Variants in ROBO1 observed in about 807,000 individuals in gnomAD.
ROBO1 encodes roundabout homolog 1.
A neutral mutation model predicts 195.9 loss-of-function variants in ROBO1; 149 were observed. The ratio of observed to expected loss-of-function variants is 0.76; its 90% confidence interval spans 0.67 to 0.87. The LOEUF (loss-of-function observed/expected upper bound fraction) is 0.87. Ranked by LOEUF, ROBO1 falls within the 40% of genes least tolerant of loss-of-function variation. The pLI, the probability that ROBO1 is intolerant of heterozygous loss-of-function variation, is 0.00. For synonymous variants in ROBO1, 816 were observed against 733.2 expected (o/e 1.11, Z -1.82); for missense variants, 1,933 against 2,068.3 (o/e 0.93, Z 1.27).
intron 3 of ROBO1, among the ~76,000 whole-genome samples, chr3:79,087,257 C>G (rs1377669963): frequency 6.6e-6 from 1 of 151,970 alleles, no homozygotes; most frequent in Non-Finnish European, 1.5e-5. Flanking sequence ...TAAGCATAAG[C>G]CTTTCATTTT....
intron 2 of ROBO1, among the ~76,000 whole-genome samples, chr3:79,501,145 C>G (rs1940049084): frequency 6.6e-6 from 1 of 152,138 alleles, no homozygotes; most frequent in South Asian, 2.1e-4. Context: ...GGAAAACTAT[C>G]ACACTCATTT....
At chr3:78,639,295 T>TA (rs891785602) in intron 22 of ROBO1, among the ~76,000 whole-genome samples, 12 of 151,208 alleles carry the variant, frequency 7.9e-5, no homozygotes, top group Non-Finnish European at 1.5e-4. Flanking sequence ...CATCTCTACT[T>TA]AAAAAAAATA....
intron 4 of ROBO1, among the ~76,000 whole-genome samples, chr3:78,749,787 T>C (rs1220320823): frequency 1.3e-5 from 2 of 152,186 alleles, no homozygotes; most frequent in East Asian, 3.9e-4. Flanking sequence ...CAGATAAATC[T>C]TTTGAAAAGC....
chr3:78,902,393 T>C (rs2037641587), intron 4 of ROBO1, among the ~76,000 whole-genome samples: 1 of 152,108 alleles, frequency 6.6e-6, no homozygotes, highest in South Asian at 2.1e-4. Context: ...GGTGACAGCT[T>C]TTTTTAATTC....
intron 2 of ROBO1, among the ~76,000 whole-genome samples, chr3:79,346,990 G>T (rs1474459691): frequency 6.6e-6 from 1 of 151,736 alleles, no homozygotes; most frequent in Non-Finnish European, 1.5e-5. Flanking sequence ...TAACCTTTTT[G>T]GAGTTCATAA....
chr3:79,757,036 G>T (rs1704444812), intron 1 of ROBO1, among the ~76,000 whole-genome samples: 1 of 152,008 alleles, frequency 6.6e-6, no homozygotes, highest in Non-Finnish European at 1.5e-5. Context: ...GTACATAATA[G>T]ATCATTGTTT....
At chr3:78,851,939 G>A (rs1041349117) in intron 4 of ROBO1, among the ~76,000 whole-genome samples, 1 of 151,518 alleles carries the variant, frequency 6.6e-6, no homozygotes, top group South Asian at 2.1e-4. Context: ...TTTTTTTTAG[G>A]ATAATATATT....
At chr3:79,574,541 G>T (rs909153378) in intron 2 of ROBO1, among the ~76,000 whole-genome samples, 2 of 151,744 alleles carry the variant, frequency 1.3e-5, no homozygotes. Context: ...AGTCAATTAA[G>T]TCCAGTGGCA....
At chr3:79,647,506 G>C (rs1411224149) in intron 1 of ROBO1, among the ~76,000 whole-genome samples, 1 of 151,954 alleles carries the variant, frequency 6.6e-6, no homozygotes, top group Non-Finnish European at 1.5e-5. Flanking sequence ...GTTCTCAATT[G>C]GGGGCAATTT....
chr3:78,869,606 C>A (rs1392415762), intron 4 of ROBO1, among the ~76,000 whole-genome samples: 1 of 152,006 alleles, frequency 6.6e-6, no homozygotes, highest in African/African-American at 2.4e-5. Context: ...CACAAGTGCG[C>A]CTCCACACCA....
intron 2 of ROBO1, among the ~76,000 whole-genome samples, chr3:79,197,953 G>C (rs775252246): frequency 3.6e-4 from 54 of 151,562 alleles, no homozygotes; most frequent in Non-Finnish European, 6.6e-4. Context: ...TGTCAGATGG[G>C]TAGATTGCAA....
chr3:78,627,691 G>C (rs1269875029), intron 25 of ROBO1, 122 bp from the exon 26 acceptor site: 1 of 1,085,288 alleles, frequency 9.2e-7, no homozygotes, highest in Non-Finnish European at 1.3e-6. Flanking sequence ...TCACATTAAG[G>C]AGATATTATT....
intron 8 of ROBO1, among the ~76,000 whole-genome samples, chr3:78,713,011 C>T (rs2081802583): frequency 6.6e-6 from 1 of 152,140 alleles, no homozygotes; most frequent in Non-Finnish European, 1.5e-5. Context: ...TGGCTATTTT[C>T]ACTCCTTCTG....
intron 2 of ROBO1, among the ~76,000 whole-genome samples, chr3:79,362,572 T>C (rs1577022654): frequency 6.6e-6 from 1 of 152,202 alleles, no homozygotes; most frequent in East Asian, 1.9e-4. Context: ...GTGGACTTGA[T>C]GAAATTAAAA....
In ROBO1 at chr3:78,597,674, A is replaced by C. The variant is rs1702909501; in HGVS notation, c.*1239T>G. 6.6e-6 allele frequency: 1 copy of C among 152,376 alleles called. No individual in the cohort carries two copies. The highest frequency in any genetic ancestry group is 6.5e-5 in the Admixed American group (1 of 15,274). The allele number at this position is 152,376 out of a possible 1,614,324, so 9.4% of individuals were successfully genotyped here. On this transcript the variant is annotated 3_prime_UTR_variant, in exon 31 of 31. Coordinates refer to ENST00000464233, the MANE Select transcript of ROBO1 (RefSeq NM_002941.4). ...AAGTAATGCCTCTATTAGAGATTTT[A>C]AGGAAATCTTGTAGGTTTCGACATT...
intron 2 of ROBO1, among the ~76,000 whole-genome samples, chr3:79,207,293 T>C (rs114785286): frequency 4.1e-4 from 62 of 152,286 alleles, no homozygotes; most frequent in African/African-American, 1.4e-3. Context: ...AACTTCTACA[T>C]GTCATAAAAC....
chr3:78,889,711 GAA>G (rs745338257), intron 4 of ROBO1, among the ~76,000 whole-genome samples: 15 of 48,128 alleles, frequency 3.1e-4, no homozygotes, highest in African/African-American at 1.2e-3. Flanking sequence ...ATAACTCCAA[GAA>G]AAAAAAAAAA....
At chr3:78,647,468 T>C (rs1218962679) in intron 20 of ROBO1, among the ~76,000 whole-genome samples, 161 bp downstream of exon 20, 2 of 152,054 alleles carry the variant, frequency 1.3e-5, no homozygotes, top group Non-Finnish European at 2.9e-5. Context: ...CAACCATTTC[T>C]ACCTTAAACA....
At chr3:79,217,804 A>C (rs1005368873) in intron 2 of ROBO1, among the ~76,000 whole-genome samples, 1 of 151,978 alleles carries the variant, frequency 6.6e-6, no homozygotes, top group Non-Finnish European at 1.5e-5. Flanking sequence ...AGTTTTTGCT[A>C]TATATTTAAG....
Sources: allele counts gnomAD v4.1 joint callset (sites outside exome capture counted in the v4.1 genomes callset), GRCh38; gene constraint gnomAD v4.1.1; transcripts MANE v1.5; gene names NCBI Gene and HGNC (gene_info 2026-07-23, HGNC 2026-07-21).